The following KHDRBS2 variants were observed in gnomAD, a reference collection of about 807,000 sequenced individuals.
KHDRBS2 encodes the protein KH domain-containing, RNA-binding, signal transduction-associated protein 2.
KHDRBS2 carries 26 observed loss-of-function variants against 44.3 expected under a neutral mutation model. That is an observed-to-expected ratio of 0.59 (90% CI 0.43 to 0.81). The LOEUF is 0.81. Among genes scored for constraint, KHDRBS2 ranks in the 40% least tolerant of loss-of-function variants. The probability of loss-of-function intolerance (pLI) is 0.00; values close to 1 mark genes in which losing one functional copy is unlikely to be tolerated. For missense variants in KHDRBS2, 476 were observed against 433.1 expected (o/e 1.10, Z -0.88); for synonymous variants, 194 against 151.1 (o/e 1.28, Z -2.08).
the KHDRBS2 span, among the ~76,000 whole-genome samples, chr6:61,672,059 T>C: frequency 3.8e-5 from 2 of 52,750 alleles, no homozygotes; most frequent in African/African-American, 1.1e-4. Flanking sequence ...ATGTGTTCTC[T>C]TGTTCAATTC....
At chr6:61,726,449 A>G (rs1051149979) in intron 7 of KHDRBS2, among the ~76,000 whole-genome samples, 15 of 152,188 alleles carry the variant, frequency 9.9e-5, no homozygotes, top group Admixed American at 1.3e-4. Context: ...AAAGAAACAA[A>G]GCATATTCAA....
the KHDRBS2 span, among the ~76,000 whole-genome samples, chr6:61,651,890 T>G: frequency 2.0e-5 from 3 of 152,144 alleles, no homozygotes; most frequent in African/African-American, 7.2e-5. Context: ...TTAGCTTTTT[T>G]GCTATACTAC....
At chr6:62,101,437 CCAGTT>C (rs1801886325) in intron 2 of KHDRBS2, among the ~76,000 whole-genome samples, 1 of 152,096 alleles carries the variant, frequency 6.6e-6, no homozygotes, top group African/African-American at 2.4e-5. Flanking sequence ...AGGAAAAACT[CCAGTT>C]TAACAGATCA....
Position 61,778,630 on chromosome 6 carries a change from C to G in KHDRBS2, c.811-45866G>C, listed in dbSNP as rs571237355. Among the ~76,000 whole-genome samples, 24 of 152,280 alleles carry G rather than the reference C, an allele frequency of 1.6e-4. No individual in the cohort carries two copies. The South Asian group carries it at 3.1e-3, about 20-fold the overall frequency. On this transcript the variant is annotated intron_variant, in intron 6 of 8. Transcript: ENST00000281156. ...CAGTTTTCTAAAGTTACACAAAGCA[C>G]AGATGATTCCTCTTTCCTGGGACAT... is the stretch of plus-strand genomic sequence containing the variant.
chr6:61,658,916 A>C, the KHDRBS2 span, among the ~76,000 whole-genome samples: 1 of 151,920 alleles, frequency 6.6e-6, no homozygotes, highest in African/African-American at 2.4e-5. Flanking sequence ...TACGACAAGG[A>C]ATTTCAACAA....
chr6:61,871,014 C>T (rs1015434164), intron 6 of KHDRBS2, among the ~76,000 whole-genome samples: 2 of 152,126 alleles, frequency 1.3e-5, no homozygotes, highest in Admixed American at 1.3e-4. Context: ...GAGTTTGACG[C>T]ACTGACAGAA....
chr6:62,038,543 G>A (rs1391578195), intron 3 of KHDRBS2, among the ~76,000 whole-genome samples: 1 of 151,942 alleles, frequency 6.6e-6, no homozygotes, highest in African/African-American at 2.4e-5. Context: ...TTAAAAAACT[G>A]GTAAGAAAAT....
the KHDRBS2 span, among the ~76,000 whole-genome samples, chr6:61,545,216 T>A: frequency 6.6e-6 from 1 of 151,926 alleles, no homozygotes. Flanking sequence ...GTGGCTGAGG[T>A]GGGAGGACCA....
intron 1 of KHDRBS2, among the ~76,000 whole-genome samples, chr6:62,229,630 C>T (rs929960954): frequency 2.6e-5 from 4 of 152,128 alleles, no homozygotes; most frequent in East Asian, 3.9e-4. Context: ...GCCCCGGTGG[C>T]GTGGGCTCAC....
intron 6 of KHDRBS2, among the ~76,000 whole-genome samples, chr6:61,773,489 G>A: frequency 6.6e-6 from 1 of 152,000 alleles, no homozygotes; most frequent in East Asian, 1.9e-4. Context: ...TGATGGGGTT[G>A]TTTGTTTTTT....
intron 7 of KHDRBS2, among the ~76,000 whole-genome samples, chr6:61,721,923 G>C (rs1375858343): frequency 1.4e-5 from 2 of 146,110 alleles, no homozygotes; most frequent in African/African-American, 5.1e-5. Context: ...GTCTGTCATA[G>C]ATAGCTCTTA....
chr6:62,282,225 C>G (rs1171076625), intron 1 of KHDRBS2, among the ~76,000 whole-genome samples: 1 of 151,978 alleles, frequency 6.6e-6, no homozygotes, highest in Non-Finnish European at 1.5e-5. Context: ...AAGTATTAAT[C>G]CCTCTTTTCT....
intron 2 of KHDRBS2, among the ~76,000 whole-genome samples, chr6:62,158,780 C>T (rs1298741647): frequency 1.3e-5 from 2 of 152,046 alleles, no homozygotes; most frequent in Admixed American, 6.6e-5. Context: ...TCTTTCTTTG[C>T]TCCATGTTTT....
At chr6:61,551,161 T>C in the KHDRBS2 span, among the ~76,000 whole-genome samples, 1 of 152,202 alleles carries the variant, frequency 6.6e-6, no homozygotes, top group East Asian at 1.9e-4. Context: ...GCCACATGTA[T>C]GTCTTCTTTT....
At chr6:61,615,455 A>C in the KHDRBS2 span, among the ~76,000 whole-genome samples, 13 of 152,080 alleles carry the variant, frequency 8.5e-5, no homozygotes. Flanking sequence ...AAAATTTAAC[A>C]ATACAAAAAA....
chr6:62,137,518 G>A (rs1811833770), intron 2 of KHDRBS2, among the ~76,000 whole-genome samples: 1 of 152,156 alleles, frequency 6.6e-6, no homozygotes, highest in Non-Finnish European at 1.5e-5. Flanking sequence ...AAATCAAAAA[G>A]CATTGCAAGA....
rs187795606 is a variant in KHDRBS2, at chr6:62,219,682, T to C, written c.92-42370A>G. ...ATTTTTCTTAAGAGTAATAATGCAC[T>C]ATAGTTACATAAGAGAATGTCCTTA... On this transcript the variant is annotated intron_variant, in intron 1 of 8. Coordinates refer to ENST00000281156, the MANE Select transcript of KHDRBS2 (RefSeq NM_152688.4). Among the ~76,000 whole-genome samples the C allele has an allele frequency of 7.3e-3, 1,100 of 150,958 alleles. 7 individuals carry two copies. The highest frequency in any genetic ancestry group is 0.012 in the Non-Finnish European group (824 of 67,542).
intron 4 of KHDRBS2, among the ~76,000 whole-genome samples, chr6:61,968,029 T>C (rs1186429711): frequency 6.6e-6 from 1 of 150,754 alleles, no homozygotes; most frequent in Non-Finnish European, 1.5e-5. Flanking sequence ...TCACAGTGCA[T>C]GGCACAGTAG....
At chr6:61,706,378 A>T (rs971997605) in intron 7 of KHDRBS2, among the ~76,000 whole-genome samples, 1 of 151,834 alleles carries the variant, frequency 6.6e-6, no homozygotes, top group Non-Finnish European at 1.5e-5. Context: ...AAAGGTTTTG[A>T]GAAGTTTGTA....
Sources: allele counts gnomAD v4.1 joint callset (sites outside exome capture counted in the v4.1 genomes callset), GRCh38; gene constraint gnomAD v4.1.1; transcripts MANE v1.5; gene names NCBI Gene and HGNC (gene_info 2026-07-23, HGNC 2026-07-21).